Variants in TUT4 observed in about 807,000 individuals in gnomAD.
TUT4 encodes terminal uridylyltransferase 4.
In TUT4, 36 loss-of-function variants were observed where a neutral mutation model predicts 192.2. The observed-to-expected ratio is 0.19, with a 90% confidence interval of 0.14 to 0.25. TUT4 has a LOEUF of 0.25. Ranked by LOEUF, TUT4 falls within the 10% of genes least tolerant of loss-of-function variation. The pLI, the probability that TUT4 is intolerant of heterozygous loss-of-function variation, is 1.00. For missense variants in TUT4, 1,493 were observed against 1,957.2 expected, an observed-to-expected ratio of 0.76 and a Z score of 4.47; for synonymous variants, 618 against 666.0, an observed-to-expected ratio of 0.93 and a Z score of 1.11.
At chr1:52,449,730 TATC>T (rs1570407402) in intron 20 of TUT4, among the ~76,000 whole-genome samples, 2 of 152,312 alleles carry the variant, frequency 1.3e-5, no homozygotes, top group East Asian at 3.9e-4. Context: ...ACAAAAATCT[TATC>T]ATCTGGTAAA....
intron 1 of TUT4, among the ~76,000 whole-genome samples, chr1:52,551,671 A>C (rs1283018165): frequency 6.6e-6 from 1 of 150,768 alleles, no homozygotes; most frequent in Non-Finnish European, 1.5e-5. Context: ...AGAAAATTTC[A>C]GCGCGCTCGC....
At chr1:52,474,785 T>C (rs1191361743) in intron 13 of TUT4, 47 bp downstream of exon 13, 1 of 1,481,998 alleles carries the variant, frequency 6.7e-7, no homozygotes, top group Non-Finnish European at 9.0e-7. Flanking sequence ...TACATAGTCA[T>C]ACAACAACCA....
At chr1:52,483,134 G>C (rs1668926618) in intron 9 of TUT4, among the ~76,000 whole-genome samples, 1 of 152,074 alleles carries the variant, frequency 6.6e-6, no homozygotes, top group African/African-American at 2.4e-5. Context: ...CAATGGGATG[G>C]GTGAAATGTA....
chr1:52,548,421 T>C (rs768311576), intron 1 of TUT4, among the ~76,000 whole-genome samples: 4 of 152,154 alleles, frequency 2.6e-5, no homozygotes, highest in Non-Finnish European at 4.4e-5. Flanking sequence ...AGAATTTAAC[T>C]CTCTGTACAC....
intron 19 of TUT4, among the ~76,000 whole-genome samples, chr1:52,460,152 T>C (rs1157180409): frequency 6.6e-6 from 1 of 152,062 alleles, no homozygotes; most frequent in Non-Finnish European, 1.5e-5. Flanking sequence ...TCTATGCTTT[T>C]CTAAGATACA....
chr1:52,493,608 C>T lies in TUT4; in HGVS notation c.1318+3G>A. Reference sequence around the variant, plus strand: ...AAAGAAAAGAAAAAGAAAAGAAACTCACCATTTTTCTTTAAAATCCCAAGT... The same window carrying T: ...AAAGAAAAGAAAAAGAAAAGAAACTTACCATTTTTCTTTAAAATCCCAAGT... On this transcript the variant is annotated splice_donor_region_variant and intron_variant, in intron 7 of 29. Coordinates refer to ENST00000257177, the MANE Select transcript of TUT4 (RefSeq NM_001009881.3). The T allele has an allele frequency of 6.8e-7, 1 of 1,466,678 alleles. No individual in the cohort carries two copies. 90.9% of individuals were successfully genotyped at this position (1,466,678 alleles called of 1,614,324 possible).
chr1:52,423,789 A>C lies in TUT4; in HGVS notation c.*146T>G. The stretch of plus-strand genomic sequence containing the variant: ...GCTATCTAAACGTGTTAAAATTTTA[A>C]ATCAGGACCTGATTTGTTTTGCTTT... On this transcript the variant is annotated 3_prime_UTR_variant, in exon 30 of 30. Coordinates refer to ENST00000257177, the MANE Select transcript of TUT4 (RefSeq NM_001009881.3). 2 of 1,537,460 alleles carry C rather than the reference A, an allele frequency of 1.3e-6. No individual in the cohort carries two copies. Among genetic ancestry groups the C allele is most frequent in the South Asian group, 1.2e-5 (1 of 83,170 alleles).
At chr1:52,453,607 C>T (rs959394599) in intron 20 of TUT4, among the ~76,000 whole-genome samples, 3 of 151,390 alleles carry the variant, frequency 2.0e-5, no homozygotes, top group Non-Finnish European at 4.4e-5. Flanking sequence ...AAAAATCCTA[C>T]AGCTAACATC....
chr1:52,550,400 A>C (rs758423822), intron 1 of TUT4, among the ~76,000 whole-genome samples: 1 of 152,084 alleles, frequency 6.6e-6, no homozygotes, highest in Non-Finnish European at 1.5e-5. Flanking sequence ...TAATCAATTC[A>C]AGTATTTGCA....
intron 26 of TUT4, among the ~76,000 whole-genome samples, chr1:52,435,961 G>C (rs1653647504): frequency 6.6e-6 from 1 of 151,716 alleles, no homozygotes; most frequent in African/African-American, 2.4e-5. Context: ...TCTGCAGTAA[G>C]AATCTGAGTA....
chr1:52,545,352 G>A (rs1190524001), intron 1 of TUT4, among the ~76,000 whole-genome samples: 1 of 151,134 alleles, frequency 6.6e-6, no homozygotes, highest in South Asian at 2.1e-4. Flanking sequence ...TCTACAGTCT[G>A]GGTGACAGAG....
At chr1:52,441,282 CTT>C (rs201555130) in intron 24 of TUT4, among the ~76,000 whole-genome samples, 18 of 118,172 alleles carry the variant, frequency 1.5e-4, no homozygotes, top group Admixed American at 3.5e-4. Context: ...GGGCATATGG[CTT>C]TTTTTTTTTT....
At chr1:52,508,993 A>G (rs1676379424) in intron 4 of TUT4, among the ~76,000 whole-genome samples, 1 of 152,180 alleles carries the variant, frequency 6.6e-6, no homozygotes, top group African/African-American at 2.4e-5. Flanking sequence ...TACTAGACTT[A>G]AAGTTACTCA....
intron 3 of TUT4, chr1:52,515,610 G>A (rs1023535358): frequency 4.8e-5 from 25 of 518,590 alleles, no homozygotes; most frequent in African/African-American, 4.4e-4. Flanking sequence ...GGGGAGACTA[G>A]GTGTATTTTA....
At chr1:52,425,716 T>C (rs1274962853) in intron 28 of TUT4, among the ~76,000 whole-genome samples, 4 of 152,196 alleles carry the variant, frequency 2.6e-5, no homozygotes, top group Admixed American at 1.3e-4. Flanking sequence ...GATATATATA[T>C]ACACAACAAT....
chr1:52,435,866 T>C (rs1653589068), intron 26 of TUT4, among the ~76,000 whole-genome samples: 1 of 152,048 alleles, frequency 6.6e-6, no homozygotes, highest in East Asian at 1.9e-4. Flanking sequence ...GCTGTGATCA[T>C]ACCACGCACT....
intron 25 of TUT4, 36 bp downstream of exon 25, chr1:52,438,184 T>G (rs1200380667): frequency 6.5e-7 from 1 of 1,547,782 alleles, no homozygotes; most frequent in Admixed American, 1.8e-5. Context: ...TCTCATTTAT[T>G]TTCCTCAAAA....
intron 29 of TUT4, 34 bp from the exon 30 acceptor site, chr1:52,424,036 G>T (rs1305821732): frequency 6.3e-7 from 1 of 1,585,408 alleles, no homozygotes; most frequent in Non-Finnish European, 8.6e-7. Context: ...AAACTGAAAG[G>T]CTTGTGCCTG....
chr1:52,489,521 A>G (rs1670623535), intron 8 of TUT4, among the ~76,000 whole-genome samples: 1 of 152,220 alleles, frequency 6.6e-6, no homozygotes, highest in Admixed American at 6.5e-5. Context: ...TTGTACTAAT[A>G]TGTTATTTTC....
Sources: allele counts gnomAD v4.1 joint callset (sites outside exome capture counted in the v4.1 genomes callset), GRCh38; gene constraint gnomAD v4.1.1; transcripts MANE v1.5; gene names NCBI Gene and HGNC (gene_info 2026-07-23, HGNC 2026-07-21).